RPS6KA3: variants seen among roughly 807,000 people sequenced by gnomAD.
The protein encoded by RPS6KA3 is ribosomal protein S6 kinase A3.
RPS6KA3 carries 4 observed loss-of-function variants against 67.2 expected under a neutral mutation model. The observed-to-expected ratio is 0.06, with a 90% CI of 0.03 to 0.14. The LOEUF is 0.14. RPS6KA3 is among the 10% of genes least tolerant of loss of function. RPS6KA3 has a pLI of 1.00. For missense variants in RPS6KA3, 204 were observed against 559.0 expected, an observed-to-expected ratio of 0.36 and a Z score of 6.40; for synonymous variants, 182 against 183.7, an observed-to-expected ratio of 0.99 and a Z score of 0.07.
At chrX:20,260,672 G>A (rs1411016241) in intron 1 of RPS6KA3, among the ~76,000 whole-genome samples, 1 of 111,762 alleles carries the variant, frequency 8.9e-6, no homozygotes, top group African/African-American at 3.2e-5. Flanking sequence ...AGTTCTTTAA[G>A]AGGGATGATT....
intron 4 of RPS6KA3, among the ~76,000 whole-genome samples, chrX:20,200,298 C>T (rs764661055): frequency 9.0e-6 from 1 of 111,400 alleles, no homozygotes; most frequent in African/African-American, 3.3e-5. Flanking sequence ...CAAACAATTG[C>T]AATATAAAAG....
At chrX:20,176,751 C>T (rs1445885240) in intron 11 of RPS6KA3, among the ~76,000 whole-genome samples, 1 of 110,763 alleles carries the variant, frequency 9.0e-6, no homozygotes, top group Non-Finnish European at 1.9e-5. Context: ...ACCACCATGC[C>T]TGGCTAATTT....
intron 1 of RPS6KA3, among the ~76,000 whole-genome samples, chrX:20,247,868 T>TA (rs2069742944): frequency 1.8e-5 from 2 of 109,215 alleles, no homozygotes; most frequent in Admixed American, 1.9e-4. Flanking sequence ...CTTAAAAAAA[T>TA]AAAAAACAAA....
At chrX:20,189,309 T>C (rs2068065775) in intron 7 of RPS6KA3, among the ~76,000 whole-genome samples, 1 of 112,290 alleles carries the variant, frequency 8.9e-6, no homozygotes, top group South Asian at 3.6e-4. Context: ...CAGTGTACAG[T>C]ACAAACAAGA....
intron 19 of RPS6KA3, 90 bp downstream of exon 19, chrX:20,162,870 CAAAA>C (rs1166635569): frequency 9.2e-5 from 60 of 649,360 alleles, no homozygotes; most frequent in Non-Finnish European, 1.5e-4. Flanking sequence ...AACAAACAAA[CAAAA>C]AACCCCAAAC....
chrX:20,265,202 C>A (rs1603433780), intron 1 of RPS6KA3, among the ~76,000 whole-genome samples: 2 of 111,674 alleles, frequency 1.8e-5, no homozygotes, highest in Admixed American at 1.9e-4. Context: ...TACAACTCTG[C>A]GTGCGTTAAG....
At chrX:20,206,333 G>A (rs185591546) in intron 3 of RPS6KA3, among the ~76,000 whole-genome samples, 1 of 112,307 alleles carries the variant, frequency 8.9e-6, no homozygotes, top group African/African-American at 3.2e-5. Context: ...CGTAAAGGGA[G>A]AAGCATGCTA....
At chrX:20,245,178 T>C (rs1376565733) in intron 1 of RPS6KA3, among the ~76,000 whole-genome samples, 1 of 112,205 alleles carries the variant, frequency 8.9e-6, no homozygotes, top group Non-Finnish European at 1.9e-5. Context: ...GCTTCATCCA[T>C]AAATATGTGA....
intron 6 of RPS6KA3, among the ~76,000 whole-genome samples, chrX:20,193,864 A>G (rs770688256): frequency 5.3e-4 from 60 of 112,518 alleles, no homozygotes; most frequent in Middle Eastern, 4.6e-3. Flanking sequence ...CCATGACAGT[A>G]ACATTTTAGA....
In RPS6KA3 at chrX:20,151,761, G is replaced by A. The variant is rs745907337; in HGVS notation, c.*3637C>T. 5 of 112,274 alleles carry A rather than the reference G, an allele frequency of 4.5e-5. No individual in the cohort carries two copies. The highest frequency in any genetic ancestry group is 1.6e-4 in the African/African-American group (5 of 30,943). 9.3% of individuals were successfully genotyped at this position (112,274 alleles called of 1,213,427 possible). A position where few individuals can be genotyped will look rare whatever the true frequency, so the allele number is the denominator to read the frequency against. Reference sequence around the variant, plus strand: ...AGGAAGTAGAGAATATCAAAGCCATGCTGAGATGGGTATTGCTGGCCTCCA... The same window carrying A: ...AGGAAGTAGAGAATATCAAAGCCATACTGAGATGGGTATTGCTGGCCTCCA... On this transcript the variant is annotated 3_prime_UTR_variant, in exon 22 of 22. Transcript: ENST00000379565.
intron 2 of RPS6KA3, among the ~76,000 whole-genome samples, chrX:20,214,466 C>T (rs2068794803): frequency 8.9e-6 from 1 of 112,262 alleles, no homozygotes; most frequent in Non-Finnish European, 1.9e-5. Flanking sequence ...AGATCCATTG[C>T]CTTCTAGCAT....
In RPS6KA3 at chrX:20,185,099, C is replaced by T. The variant is rs2067946678; in HGVS notation, c.845+1197G>A. Among the ~76,000 whole-genome samples, 4 of 111,051 alleles carry T rather than the reference C, an allele frequency of 3.6e-5. No individual in the cohort carries two copies. The Admixed American group carries it at 3.8e-4, about 11-fold the overall frequency. On this transcript the variant is annotated intron_variant, in intron 10 of 21. Transcript: ENST00000379565. ...TAGTTGGGATTACAGGCACCTGCTACCATGCCCGAATAATTTTTTCTATTT... is the reference window on the plus strand; with the variant it reads ...TAGTTGGGATTACAGGCACCTGCTATCATGCCCGAATAATTTTTTCTATTT...
intron 9 of RPS6KA3, among the ~76,000 whole-genome samples, chrX:20,187,508 G>A (rs1291841392): frequency 5.4e-5 from 6 of 111,761 alleles, no homozygotes; most frequent in East Asian, 5.6e-4. Flanking sequence ...TCGGCCAAAC[G>A]AACTTATTTT....
At chrX:20,181,069 G>C (rs1397903325) in intron 10 of RPS6KA3, among the ~76,000 whole-genome samples, 1 of 111,781 alleles carries the variant, frequency 8.9e-6, no homozygotes, top group East Asian at 2.8e-4. Flanking sequence ...AGTTTTATGT[G>C]GATGTGTAAG....
chrX:20,266,808 C>A lies in RPS6KA3; in HGVS notation c.-176G>T. 1 of 339,293 alleles carries A rather than the reference C, an allele frequency of 2.9e-6. No individual in the cohort carries two copies. The highest frequency in any genetic ancestry group is 3.8e-6 in the Non-Finnish European group (1 of 260,168). 28.0% of individuals were successfully genotyped at this position (339,293 alleles called of 1,213,427 possible). ...GGCGGCGGCCCCAGAGAGGGCTCGA[C>A]GCCGACGCCGACCGCCCGAAAGCCG... On this transcript the variant is annotated 5_prime_UTR_variant, in exon 1 of 22. Transcript: ENST00000379565.
chrX:20,184,534 T>A (rs2067928779), intron 10 of RPS6KA3, among the ~76,000 whole-genome samples: 1 of 108,625 alleles, frequency 9.2e-6, no homozygotes, highest in Non-Finnish European at 1.9e-5. Context: ...GCCTCCCAAG[T>A]GGCTGGGACT....
At chrX:20,204,455 C>CA (rs2068523546) in intron 3 of RPS6KA3, among the ~76,000 whole-genome samples, 1 of 112,300 alleles carries the variant, frequency 8.9e-6, no homozygotes, top group African/African-American at 3.2e-5. Flanking sequence ...CTGCTTTTAA[C>CA]AAAACAGAAT....
At chrX:20,224,373 A>G (rs188754143) in intron 2 of RPS6KA3, among the ~76,000 whole-genome samples, 227 of 111,139 alleles carry the variant, frequency 2.0e-3, no homozygotes, top group Non-Finnish European at 3.9e-3. Context: ...TACACCATAC[A>G]TAACACCTGT....
At chrX:20,158,738 AACT>A (rs1418936938) in intron 20 of RPS6KA3, among the ~76,000 whole-genome samples, 1 of 111,308 alleles carries the variant, frequency 9.0e-6, no homozygotes, top group Non-Finnish European at 1.9e-5. Context: ...ACTCACTTCA[AACT>A]ACTTCTCTTA....
Sources: allele counts gnomAD v4.1 joint callset (sites outside exome capture counted in the v4.1 genomes callset), GRCh38; gene constraint gnomAD v4.1.1; transcripts MANE v1.5; gene names NCBI Gene and HGNC (gene_info 2026-07-23, HGNC 2026-07-21).